Variants in ZNF676 observed in about 807,000 individuals in gnomAD.
ZNF676 encodes the protein zinc finger protein 676.
In ZNF676, 4 loss-of-function variants were observed where a neutral mutation model predicts 6.0. That is an observed-to-expected ratio of 0.67 (90% CI 0.33 to 1.53). The LOEUF (loss-of-function observed/expected upper bound fraction) is 1.53, where lower values mean the gene tolerates loss of function less well. Among genes scored for constraint, ZNF676 ranks in the 40% most tolerant of loss-of-function variants. ZNF676 has a pLI of 0.06. For synonymous variants in ZNF676, 198 were observed against 223.1 expected, an observed-to-expected ratio of 0.89 and a Z score of 1.00; for missense variants, 644 against 679.7, an observed-to-expected ratio of 0.95 and a Z score of 0.58.
chr19:22,211,603 A>T (rs1159516012), intron 1 of ZNF676, among the ~76,000 whole-genome samples: 1 of 152,164 alleles, frequency 6.6e-6, no homozygotes, highest in Non-Finnish European at 1.5e-5. Context: ...AAAAATCATG[A>T]GGTAAACAGT....
At chr19:22,257,780 A>G in the ZNF676 span, among the ~76,000 whole-genome samples, 1 of 152,180 alleles carries the variant, frequency 6.6e-6, no homozygotes, top group African/African-American at 2.4e-5. Context: ...CCCCCTGAGG[A>G]GCAGGCTCAG....
the ZNF676 span, among the ~76,000 whole-genome samples, chr19:22,237,880 G>A: frequency 2.0e-5 from 3 of 152,134 alleles, no homozygotes; most frequent in Admixed American, 2.0e-4. Context: ...TAGACACCTG[G>A]TGAGGCTGTG....
chr19:22,200,466 A>G (rs1198197089), upstream of ZNF676, among the ~76,000 whole-genome samples: 3 of 150,602 alleles, frequency 2.0e-5, no homozygotes, highest in Non-Finnish European at 4.4e-5. Context: ...TCCAGTTGTT[A>G]GTTTAGACTA....
At chr19:22,253,031 T>G in the ZNF676 span, among the ~76,000 whole-genome samples, 1 of 152,190 alleles carries the variant, frequency 6.6e-6, no homozygotes, top group South Asian at 2.1e-4. Flanking sequence ...CTCAACAGTT[T>G]GCTGAATCCA....
At chr19:22,228,821 G>A in the ZNF676 span, among the ~76,000 whole-genome samples, 1 of 152,122 alleles carries the variant, frequency 6.6e-6, no homozygotes, top group Non-Finnish European at 1.5e-5. Context: ...CCTTTTCAAG[G>A]AGAGCTACAA....
At chr19:22,201,782 C>T (rs1040915050), upstream of ZNF676, among the ~76,000 whole-genome samples, 3 of 133,140 alleles carry the variant, frequency 2.3e-5, no homozygotes, top group South Asian at 2.5e-4. Context: ...TGAGCTGATA[C>T]GAAATTGGTT....
chr19:22,242,781 A>T, the ZNF676 span, among the ~76,000 whole-genome samples: 3 of 151,814 alleles, frequency 2.0e-5, no homozygotes, highest in Non-Finnish European at 4.4e-5. Flanking sequence ...AAGGCTCAGG[A>T]ATAAGGTAAG....
chr19:22,222,047 T>C, the ZNF676 span, among the ~76,000 whole-genome samples: 3 of 152,182 alleles, frequency 2.0e-5, no homozygotes, highest in Non-Finnish European at 4.4e-5. Flanking sequence ...AGGGACAACT[T>C]AGGTGAAACA....
intron 2 of ZNF676, among the ~76,000 whole-genome samples, chr19:22,181,928 A>AT (rs11309473): frequency 0.012 from 1,728 of 145,044 alleles, 10 homozygotes; most frequent in African/African-American, 0.023. Flanking sequence ...TCCATTTCTG[A>AT]TTTTTTTTTT....
the ZNF676 span, among the ~76,000 whole-genome samples, chr19:22,257,908 T>C: frequency 6.6e-6 from 1 of 152,080 alleles, no homozygotes; most frequent in Non-Finnish European, 1.5e-5. Flanking sequence ...CTCACCCATA[T>C]GTAATGATCA....
At chr19:22,194,864 C>A (rs563538054) in intron 1 of ZNF676, among the ~76,000 whole-genome samples, 1 of 152,022 alleles carries the variant, frequency 6.6e-6, no homozygotes, top group Admixed American at 6.6e-5. Context: ...AGGAAGTGCA[C>A]GATTAGATCT....
At position 22,180,421 on chromosome 19, in the gene ZNF676, C is replaced by A; in HGVS notation, c.1296G>T (p.Trp432Cys). The change falls in exon 3 of 3, where the codon TGG becomes TGT. Residue 432 changes from tryptophan to cysteine, a missense_variant. Around this residue, in one of 5 missense-constraint regions of ZNF676, gnomAD observed 306 missense variants for 265.4 expected, o/e 1.15. Transcript: ENST00000397121. ...TCTTGTGTTCAGTAAGGCTTGAGGACCAGCTGAAGGCTTTGCCACATTCTT... is the reference window on the plus strand; with the variant it reads ...TCTTGTGTTCAGTAAGGCTTGAGGAACAGCTGAAGGCTTTGCCACATTCTT... ...KCEECGKAFS[W>C]SSSLTEHKRI... 6.2e-7 allele frequency: 1 copy of A among 1,608,110 alleles called. No individual in the cohort carries two copies. Among genetic ancestry groups the A allele is most frequent in the Non-Finnish European group, 8.5e-7 (1 of 1,177,926 alleles).
chr19:22,184,922 G>C (rs932319170), intron 2 of ZNF676, among the ~76,000 whole-genome samples: 3 of 151,662 alleles, frequency 2.0e-5, no homozygotes, highest in Non-Finnish European at 2.9e-5. Context: ...CTGGGGGAAG[G>C]GACAGCTGGG....
At chr19:22,214,546 C>T (rs2024163560) in intron 1 of ZNF676, among the ~76,000 whole-genome samples, 1 of 147,920 alleles carries the variant, frequency 6.8e-6, no homozygotes, top group East Asian at 2.0e-4. Context: ...GTCCAGTTAG[C>T]CTAGATGGCG....
chr19:22,183,255 T>C (rs1023748991), intron 2 of ZNF676, among the ~76,000 whole-genome samples: 2 of 152,116 alleles, frequency 1.3e-5, no homozygotes. Context: ...GGTAATAAAA[T>C]AAAAGTAACT....
intron 1 of ZNF676, among the ~76,000 whole-genome samples, chr19:22,206,009 A>T (rs1015624781): frequency 1.3e-4 from 20 of 151,830 alleles, no homozygotes; most frequent in African/African-American, 4.8e-4. Flanking sequence ...CATAAAAAAA[A>T]AACTAGAATA....
the ZNF676 span, chr19:22,243,290 G>C: frequency 6.6e-6 from 1 of 151,884 alleles, no homozygotes; most frequent in Non-Finnish European, 1.5e-5. Context: ...AAGAGCCAAG[G>C]CAGAAGAATA....
At chr19:22,258,967 C>G in the ZNF676 span, among the ~76,000 whole-genome samples, 1 of 152,128 alleles carries the variant, frequency 6.6e-6, no homozygotes, top group Non-Finnish European at 1.5e-5. Context: ...TGCATGAGAG[C>G]TTCTATTTGT....
At chr19:22,250,564 A>G in the ZNF676 span, among the ~76,000 whole-genome samples, 1 of 152,078 alleles carries the variant, frequency 6.6e-6, no homozygotes, top group Admixed American at 6.6e-5. Flanking sequence ...GATTATAGGA[A>G]CACATTACCC....
Sources: allele counts gnomAD v4.1 joint callset (sites outside exome capture counted in the v4.1 genomes callset), GRCh38; gene constraint gnomAD v4.1.1; regional missense constraint gnomAD v4.1.1; transcripts MANE v1.5; gene names NCBI Gene and HGNC (gene_info 2026-07-23, HGNC 2026-07-21).